Variants in UBE2E1 observed in about 807,000 individuals in gnomAD.
UBE2E1 encodes the protein ubiquitin conjugating enzyme E2 E1, also known as ubiquitin-conjugating enzyme E2 E1.
Under a neutral mutation model 21.4 loss-of-function variants are expected in UBE2E1, and 6 were observed. The ratio of observed to expected loss-of-function variants is 0.28; its 90% CI spans 0.15 to 0.55. UBE2E1 has a LOEUF of 0.55. Among genes scored for constraint, UBE2E1 ranks in the 20% least tolerant of loss-of-function variants. The probability of loss-of-function intolerance (pLI) is 0.93; values close to 1 mark genes in which losing one functional copy is unlikely to be tolerated. For missense variants in UBE2E1, 142 were observed against 236.5 expected, an observed-to-expected ratio of 0.60 and a Z score of 2.62; for synonymous variants, 87 against 82.7, an observed-to-expected ratio of 1.05 and a Z score of -0.28.
chr3:23,826,750 T>C (rs1014282933), intron 3 of UBE2E1, among the ~76,000 whole-genome samples: 1 of 152,198 alleles, frequency 6.6e-6, no homozygotes, highest in Non-Finnish European at 1.5e-5. Context: ...AGCTGAAATA[T>C]TTGTTCTGAA....
chr3:23,874,141 G>A lies in UBE2E1; in HGVS notation c.204-13426G>A, dbSNP rs1700864962. Among the ~76,000 whole-genome samples, 4 of 152,250 alleles carry A rather than the reference G, an allele frequency of 2.6e-5. No homozygotes were observed. The South Asian group carries it at 8.3e-4, about 31-fold the overall frequency. The stretch of plus-strand genomic sequence containing the variant: ...CAGTGTGGAAGCTGCATAAGGAGCT[G>A]AGTGTAATGGGAGACCTTTAGCTAA... On this transcript the variant is annotated intron_variant, in intron 3 of 5. Coordinates refer to ENST00000306627, the MANE Select transcript of UBE2E1 (RefSeq NM_003341.5).
intron 3 of UBE2E1, among the ~76,000 whole-genome samples, chr3:23,871,238 T>A (rs1191663182): frequency 7.2e-6 from 1 of 139,860 alleles, no homozygotes; most frequent in Non-Finnish European, 1.5e-5. Flanking sequence ...GGCTCCTCAC[T>A]TCCCAGTAGG....
intron 3 of UBE2E1, among the ~76,000 whole-genome samples, chr3:23,815,764 T>C (rs563725086): frequency 6.6e-6 from 1 of 152,240 alleles, no homozygotes; most frequent in African/African-American, 2.4e-5. Flanking sequence ...TATAAAACCC[T>C]GTATCTTATG....
At chr3:23,835,320 T>C (rs574226746) in intron 3 of UBE2E1, among the ~76,000 whole-genome samples, 3 of 152,148 alleles carry the variant, frequency 2.0e-5, no homozygotes, top group South Asian at 2.1e-4. Flanking sequence ...ATTTAAAAAT[T>C]AGCTAGATGT....
Position 23,816,511 on chromosome 3 carries a change from C to T in UBE2E1, c.203+5001C>T, listed in dbSNP as rs1027789925. Among the ~76,000 whole-genome samples the T allele has an allele frequency of 2.6e-5, 4 of 152,006 alleles. No homozygotes were observed. The highest frequency in any genetic ancestry group is 4.8e-5 in the African/African-American group (2 of 41,368). On this transcript the variant is annotated intron_variant, in intron 3 of 5. Transcript: ENST00000306627. This position sits in a 1 kb window ranked among gnomAD's most constrained non-coding sequence, Gnocchi z 4.8. ...CACGAGGTCAGGAGATCGACACCAT[C>T]GTGGCGAACACAGTGAAACCCCGTC...
Position 23,887,444 on chromosome 3 carries a change from T to TG in UBE2E1, c.204-122dup, listed in dbSNP as rs1475299361. The TG allele has an allele frequency of 7.5e-7, 1 of 1,328,762 alleles. No individual in the cohort carries two copies. Among genetic ancestry groups the TG allele is most frequent in the Non-Finnish European group, 1.0e-6 (1 of 1,001,012 alleles). The allele number at this position is 1,328,762 out of a possible 1,614,324, so 82.3% of individuals were successfully genotyped here. A position where few individuals can be genotyped will look rare whatever the true frequency, so the allele number is the denominator to read the frequency against. Reference sequence around the variant, plus strand: ...TCTGCATCCGTTTCTGTACTTGTTTTGTAAAGAGAATCCACACAGTAAACA... The same window carrying TG: ...TCTGCATCCGTTTCTGTACTTGTTTTGGTAAAGAGAATCCACACAGTAAACA... On this transcript the variant is annotated intron_variant, in intron 3 of 5. Coordinates refer to ENST00000306627, the MANE Select transcript of UBE2E1 (RefSeq NM_003341.5). This position sits in a 1 kb window ranked among gnomAD's most constrained non-coding sequence, Gnocchi z 4.4.
chr3:23,834,773 A>C (rs1048246589), intron 3 of UBE2E1, among the ~76,000 whole-genome samples: 1 of 152,196 alleles, frequency 6.6e-6, no homozygotes, highest in Admixed American at 6.5e-5. Flanking sequence ...TCTTTTTAAT[A>C]CTAGGAAAGC....
At chr3:23,829,566 C>T (rs1458920200) in intron 3 of UBE2E1, among the ~76,000 whole-genome samples, 5 of 152,088 alleles carry the variant, frequency 3.3e-5, no homozygotes, top group African/African-American at 1.2e-4. Flanking sequence ...CCTCCCAAAG[C>T]ACGGGGTTTA....
At chr3:23,838,259 G>A (rs1700010680) in intron 3 of UBE2E1, among the ~76,000 whole-genome samples, 1 of 151,848 alleles carries the variant, frequency 6.6e-6, no homozygotes, top group Admixed American at 6.6e-5. Flanking sequence ...GGTAGAAAAT[G>A]TTTCGCCATG....
chr3:23,882,817 C>G (rs1006236477), intron 3 of UBE2E1, among the ~76,000 whole-genome samples: 2 of 152,238 alleles, frequency 1.3e-5, no homozygotes, highest in African/African-American at 4.8e-5. Flanking sequence ...GTGGCGCCGG[C>G]CGGCTGCTCC....
chr3:23,888,021 G>C (rs2125331276), intron 4 of UBE2E1, among the ~76,000 whole-genome samples: 1 of 152,268 alleles, frequency 6.6e-6, no homozygotes, highest in Non-Finnish European at 1.5e-5. Context: ...TAAAAATGGT[G>C]TCAAGCCAGG....
At chr3:23,828,331 C>T (rs1446972770) in intron 3 of UBE2E1, among the ~76,000 whole-genome samples, 1 of 152,026 alleles carries the variant, frequency 6.6e-6, no homozygotes, top group African/African-American at 2.4e-5. Flanking sequence ...TTTAATCTTC[C>T]ATTGTGTAAA....
rs757182144 is a variant in UBE2E1, at chr3:23,863,935, C to T, written c.204-23632C>T. Among the ~76,000 whole-genome samples, 8 of 152,308 alleles carry T rather than the reference C, an allele frequency of 5.3e-5. No homozygotes were observed. The highest frequency in any genetic ancestry group is 1.0e-4 in the Non-Finnish European group (7 of 68,026). ...GTTTATAGCTGTCATACCGGATTCT[C>T]GTGTCACTGTCTTTTGGGGAATTCT... On this transcript the variant is annotated intron_variant, in intron 3 of 5. Transcript: ENST00000306627. The surrounding 1 kb of genome is among the most constrained non-coding windows in gnomAD (Gnocchi z 4.3).
At position 23,870,821 on chromosome 3, in the gene UBE2E1, GCGGC is replaced by G. The variant is rs1215004446; in HGVS notation, c.204-16744_204-16741del. 7.9e-6 allele frequency among the ~76,000 whole-genome samples: 1 copy of G among 126,952 alleles called. No homozygotes were observed. Among genetic ancestry groups the G allele is most frequent in the African/African-American group, 2.6e-5 (1 of 38,388 alleles). 83.3% of individuals were successfully genotyped at this position (126,952 alleles called of 152,430 possible). On this transcript the variant is annotated intron_variant, in intron 3 of 5. Coordinates refer to ENST00000306627, the MANE Select transcript of UBE2E1 (RefSeq NM_003341.5). This position sits in a 1 kb window ranked among gnomAD's most constrained non-coding sequence, Gnocchi z 4.2. ...CTGGTTTTCCTAGGCAGAGGACCCTGCGGCCTTCCGCAGTGTTTGTGTCCCTGGG... is the reference window on the plus strand; with the variant it reads ...CTGGTTTTCCTAGGCAGAGGACCCTGCTTCCGCAGTGTTTGTGTCCCTGGG...
chr3:23,873,761 G>T (rs1700854753), intron 3 of UBE2E1, among the ~76,000 whole-genome samples: 1 of 152,126 alleles, frequency 6.6e-6, no homozygotes, highest in African/African-American at 2.4e-5. Context: ...AAAAAAATAA[G>T]AGACCGGCAG....
At chr3:23,883,212 T>G (rs1219397726) in intron 3 of UBE2E1, among the ~76,000 whole-genome samples, 4 of 152,246 alleles carry the variant, frequency 2.6e-5, no homozygotes, top group Non-Finnish European at 5.9e-5. Flanking sequence ...CAACCAGTAT[T>G]TAAAATTAAA....
rs72627018 is a variant in UBE2E1, at chr3:23,844,497, A to G, written c.203+32987A>G. 3.5e-3 allele frequency among the ~76,000 whole-genome samples: 539 copies of G among 152,256 alleles called. 10 individuals carry two copies. The East Asian group carries it at 0.044, about 12-fold the overall frequency. ...AAGACCAGATCGTTTCCAGCTCTCC[A>G]TCCCCACTAACAGTGAACATTCTGG... On this transcript the variant is annotated intron_variant, in intron 3 of 5. Transcript: ENST00000306627.
chr3:23,878,837 A>G (rs770190974), intron 3 of UBE2E1: 16 of 296,416 alleles, frequency 5.4e-5, no homozygotes, highest in South Asian at 1.0e-4. Flanking sequence ...ATTTCATTCT[A>G]TATCACAATG....
At position 23,876,813 on chromosome 3, in the gene UBE2E1, G is replaced by A. The variant is rs1700924406; in HGVS notation, c.204-10754G>A. ...TAATGTCAGTGCTTTCAGAGGCCAAGCAGAAGTATCGCTTGAGCCCAGGAG... is the reference window on the plus strand; with the variant it reads ...TAATGTCAGTGCTTTCAGAGGCCAAACAGAAGTATCGCTTGAGCCCAGGAG... On this transcript the variant is annotated intron_variant, in intron 3 of 5. Coordinates refer to ENST00000306627, the MANE Select transcript of UBE2E1 (RefSeq NM_003341.5). The surrounding 1 kb of genome is among the most constrained non-coding windows in gnomAD (Gnocchi z 4.3). Among the ~76,000 whole-genome samples, 1 of 152,108 alleles carries A rather than the reference G, an allele frequency of 6.6e-6. No homozygotes were observed. Among genetic ancestry groups the A allele is most frequent in the African/African-American group, 2.4e-5 (1 of 41,424 alleles).
Sources: gnomAD v4.1 joint callset for allele counts (sites outside exome capture counted in the v4.1 genomes callset) on GRCh38, gnomAD v4.1.1 for gene constraint, Gnocchi (gnomAD v3.1) non-coding constraint, MANE v1.5 for transcripts, NCBI Gene and HGNC (gene_info 2026-07-23, HGNC 2026-07-21) for gene names.